CCDC28A: variants seen among roughly 807,000 people sequenced by gnomAD.
CCDC28A encodes the protein coiled-coil domain-containing protein 28A.
In CCDC28A, 24 loss-of-function variants were observed where a neutral mutation model predicts 22.1. The ratio of observed to expected loss-of-function variants is 1.09; its 90% CI spans 0.79 to 1.53. CCDC28A has a LOEUF of 1.53. Among genes scored for constraint, CCDC28A ranks in the 40% most tolerant of loss-of-function variants. The pLI, the probability that CCDC28A is intolerant of heterozygous loss-of-function variation, is 0.00. For synonymous variants in CCDC28A, 83 were observed against 74.7 expected (o/e 1.11, Z -0.57); for missense variants, 170 against 210.7 (o/e 0.81, Z 1.20).
chr6:138,776,337 A>C, intron 2 of CCDC28A, 59 bp downstream of exon 2: 3 of 1,369,388 alleles, frequency 2.2e-6, no homozygotes, highest in Non-Finnish European at 2.1e-6. Context: ...ATCCTGACTC[A>C]ACTTCTTCTT....
intron 5 of CCDC28A, among the ~76,000 whole-genome samples, chr6:138,792,241 ACT>A (rs2128363704): frequency 6.6e-6 from 1 of 152,268 alleles, no homozygotes; most frequent in African/African-American, 2.4e-5. Context: ...ATTAAAAATA[ACT>A]CTGGGCCAGG....
intron 5 of CCDC28A, among the ~76,000 whole-genome samples, chr6:138,789,071 A>G (rs1403458454): frequency 3.9e-5 from 6 of 152,216 alleles, no homozygotes; most frequent in Non-Finnish European, 7.3e-5. Flanking sequence ...AATTAAATGT[A>G]CTTAGTGTAT....
chr6:138,776,715 C>T (rs963378722), intron 2 of CCDC28A, among the ~76,000 whole-genome samples: 18 of 151,716 alleles, frequency 1.2e-4, no homozygotes, highest in Admixed American at 2.6e-4. Context: ...TATGGGGTCT[C>T]ACTGTGTTGC....
intron 3 of CCDC28A, among the ~76,000 whole-genome samples, chr6:138,780,800 C>T (rs1775007487): frequency 6.6e-6 from 1 of 152,114 alleles, no homozygotes; most frequent in African/African-American, 2.4e-5. Context: ...TCTCCATCTC[C>T]TGACCTTGTG....
At chr6:138,787,422 G>C (rs1419799481) in intron 4 of CCDC28A, among the ~76,000 whole-genome samples, 2 of 152,088 alleles carry the variant, frequency 1.3e-5, no homozygotes, top group East Asian at 3.9e-4. Context: ...AACTATAAGA[G>C]GTAAATTTCT....
chr6:138,786,045 A>C (rs930978771), intron 4 of CCDC28A, among the ~76,000 whole-genome samples: 4 of 152,188 alleles, frequency 2.6e-5, no homozygotes, highest in African/African-American at 9.7e-5. Flanking sequence ...TTAACAACAG[A>C]AATTTATTTT....
chr6:138,789,554 G>T (rs1369451232), intron 5 of CCDC28A, among the ~76,000 whole-genome samples: 1 of 152,246 alleles, frequency 6.6e-6, no homozygotes, highest in African/African-American at 2.4e-5. Flanking sequence ...GCCTGGCACG[G>T]TGGCTCATGC....
intron 5 of CCDC28A, among the ~76,000 whole-genome samples, chr6:138,789,086 G>C (rs1245687270): frequency 6.6e-6 from 1 of 152,072 alleles, no homozygotes; most frequent in Non-Finnish European, 1.5e-5. Context: ...GTGTATTATA[G>C]GATTAGCTTA....
rs1775126559 is a variant in CCDC28A, at chr6:138,788,563, C to CTTTTTT, written c.500+179_500+180insTTTTTT. Among the ~76,000 whole-genome samples the CTTTTTT allele has an allele frequency of 4.4e-5, 4 of 91,738 alleles. No homozygotes were observed. In the East Asian group the frequency reaches 1.5e-3, roughly 35 times the overall value. 60.2% of individuals were successfully genotyped at this position (91,738 alleles called of 152,430 possible). ...TGGTTTTCTTTTCTTTCTCTTTTTT[C>CTTTTTT]TTTTCTTTTTTTTTTTTTTTTTTTT... On this transcript the variant is annotated intron_variant, in intron 5 of 5. Coordinates refer to ENST00000617445, the MANE Select transcript of CCDC28A (RefSeq NM_015439.3).
chr6:138,788,347 T>G lies in CCDC28A; in HGVS notation c.478-19T>G. ...GATCTTATAAAAATTAAAAATAAAT[T>G]TGTTTCTTTGTTTTACAGTTAGAAG... is the stretch of plus-strand genomic sequence containing the variant. On this transcript the variant is annotated intron_variant, in intron 4 of 5. Coordinates refer to ENST00000617445, the MANE Select transcript of CCDC28A (RefSeq NM_015439.3). 2 of 966,970 alleles carry G rather than the reference T, an allele frequency of 2.1e-6. No homozygotes were observed. The highest frequency in any genetic ancestry group is 3.0e-6 in the Non-Finnish European group (2 of 662,400). The allele number at this position is 966,970 out of a possible 1,614,324, so 59.9% of individuals were successfully genotyped here. A position where few individuals can be genotyped will look rare whatever the true frequency, so the allele number is the denominator to read the frequency against.
intron 5 of CCDC28A, among the ~76,000 whole-genome samples, chr6:138,789,252 T>C (rs748855616): frequency 1.4e-4 from 22 of 152,128 alleles, no homozygotes; most frequent in Non-Finnish European, 2.8e-4. Flanking sequence ...TATAAAATAA[T>C]TTAATTTGAG....
At chr6:138,792,604 G>A (rs1775188335) in intron 5 of CCDC28A, 145 bp from the exon 6 acceptor site, 1 of 642,316 alleles carries the variant, frequency 1.6e-6, no homozygotes, top group Non-Finnish European at 2.8e-6. Context: ...CCACATCTGA[G>A]TGTCTCAGTA....
intron 3 of CCDC28A, among the ~76,000 whole-genome samples, chr6:138,783,640 A>G (rs113943351): frequency 0.062 from 9,346 of 151,246 alleles, 480 homozygotes; most frequent in African/African-American, 0.13. Context: ...GGGTTTCACC[A>G]TGTTAGCCAG....
At chr6:138,782,280 C>G (rs567045115) in intron 3 of CCDC28A, among the ~76,000 whole-genome samples, 77 of 152,212 alleles carry the variant, frequency 5.1e-4, no homozygotes, top group African/African-American at 1.8e-3. Flanking sequence ...TCTTTCTTAG[C>G]AGGTAATTTA....
intron 5 of CCDC28A, among the ~76,000 whole-genome samples, chr6:138,790,015 A>G (rs1775146758): frequency 6.6e-6 from 1 of 152,262 alleles, no homozygotes; most frequent in African/African-American, 2.4e-5. Context: ...TATTGTCAAG[A>G]AAGAGTTAAA....
intron 4 of CCDC28A, among the ~76,000 whole-genome samples, chr6:138,786,601 A>G (rs893731442): frequency 2.0e-5 from 3 of 152,064 alleles, no homozygotes; most frequent in Admixed American, 6.6e-5. Flanking sequence ...TCTTGCAAGT[A>G]TTTCCATTTA....
At chr6:138,775,675 T>A (rs1774920483) in intron 1 of CCDC28A, among the ~76,000 whole-genome samples, 1 of 152,266 alleles carries the variant, frequency 6.6e-6, no homozygotes, top group Non-Finnish European at 1.5e-5. Flanking sequence ...CACCTGAAGC[T>A]TGAATCAGGC....
At chr6:138,785,519 C>T (rs771872912) in intron 4 of CCDC28A, 138 bp downstream of exon 4, 27 of 618,726 alleles carry the variant, frequency 4.4e-5, no homozygotes, top group Admixed American at 1.5e-4. Flanking sequence ...TGTTGAATTG[C>T]GGAACACGTT....
chr6:138,780,869 G>A (rs1320068311), intron 3 of CCDC28A, among the ~76,000 whole-genome samples: 3 of 152,086 alleles, frequency 2.0e-5, no homozygotes, highest in Admixed American at 2.0e-4. Context: ...ACCGCGCCTG[G>A]CCTATTTCTC....
Sources: gnomAD v4.1 joint callset for allele counts (sites outside exome capture counted in the v4.1 genomes callset) on GRCh38, gnomAD v4.1.1 for gene constraint, MANE v1.5 for transcripts, NCBI Gene and HGNC (gene_info 2026-07-23, HGNC 2026-07-21) for gene names.